The following YEATS2 variants were observed in gnomAD, a reference collection of about 807,000 sequenced individuals.
YEATS2 encodes YEATS domain-containing protein 2.
Under a neutral mutation model 163.2 loss-of-function variants are expected in YEATS2, and 77 were observed. The observed-to-expected ratio is 0.47, with a 90% confidence interval of 0.39 to 0.57. YEATS2 has a LOEUF of 0.57. YEATS2 is among the 20% of genes least tolerant of loss of function. The probability of loss-of-function intolerance (pLI) is 0.00; values close to 1 mark genes in which losing one functional copy is unlikely to be tolerated. For missense variants in YEATS2, 1,549 were observed against 1,729.8 expected (o/e 0.90, Z 1.85); for synonymous variants, 631 against 645.1 (o/e 0.98, Z 0.33).
At chr3:183,755,741 CTTTTTTTTTTTTTTTT>C (rs57050296) in intron 11 of YEATS2, among the ~76,000 whole-genome samples, 3 of 82,220 alleles carry the variant, frequency 3.6e-5, no homozygotes, top group African/African-American at 6.0e-5. Context: ...TCCTTCCTTT[CTTTTTTTTTTTTTTTT>C]TTTTTTTTTT....
intron 12 of YEATS2, 114 bp from the exon 13 acceptor site, chr3:183,758,748 C>A: frequency 1.3e-6 from 1 of 794,280 alleles, no homozygotes; most frequent in Non-Finnish European, 2.1e-6. Flanking sequence ...GAGTTTTCAA[C>A]CCTTAAACAT....
chr3:183,718,364 ATTTG>A, intron 3 of YEATS2, 132 bp from the exon 4 acceptor site: 1 of 644,202 alleles, frequency 1.6e-6, no homozygotes, highest in Middle Eastern at 4.3e-4. Flanking sequence ...GGTCACTTTT[ATTTG>A]TTTTTCTTTT....
intron 7 of YEATS2, among the ~76,000 whole-genome samples, chr3:183,732,055 A>G (rs542445849): frequency 6.6e-6 from 1 of 152,128 alleles, no homozygotes; most frequent in South Asian, 2.1e-4. Flanking sequence ...TTTTTTTAAT[A>G]GCAGGAAATG....
chr3:183,699,476 AC>A (rs755156056), intron 1 of YEATS2, among the ~76,000 whole-genome samples: 72 of 151,654 alleles, frequency 4.7e-4, no homozygotes, highest in Non-Finnish European at 8.8e-4. Context: ...ACTTTGAGAG[AC>A]CGAGGCGGGT....
chr3:183,741,226 A>G (rs111744161), intron 8 of YEATS2, among the ~76,000 whole-genome samples: 5 of 152,238 alleles, frequency 3.3e-5, no homozygotes, highest in African/African-American at 1.2e-4. Context: ...GGCATGAGCC[A>G]CTGTGCTTGG....
intron 13 of YEATS2, among the ~76,000 whole-genome samples, chr3:183,760,448 G>T (rs1197062794): frequency 2.0e-5 from 3 of 150,702 alleles, no homozygotes; most frequent in Admixed American, 6.7e-5. Flanking sequence ...TCAGTCTCCT[G>T]AGTAGCTGGG....
intron 5 of YEATS2, among the ~76,000 whole-genome samples, chr3:183,722,667 T>A (rs772613684): frequency 2.6e-5 from 4 of 151,852 alleles, no homozygotes; most frequent in Non-Finnish European, 5.9e-5. Flanking sequence ...TCTTTTTTTT[T>A]TCTGAGACGG....
At chr3:183,722,903 C>T (rs145708440) in intron 5 of YEATS2, among the ~76,000 whole-genome samples, 1,800 of 152,280 alleles carry the variant, frequency 0.012, 40 homozygotes, top group African/African-American at 0.041. Context: ...CTGCCTGCCT[C>T]GGCCTCTCAA....
At chr3:183,792,366 G>C (rs1476416783) in intron 21 of YEATS2, among the ~76,000 whole-genome samples, 1 of 152,024 alleles carries the variant, frequency 6.6e-6, no homozygotes, top group African/African-American at 2.4e-5. Flanking sequence ...TCATTGTTCA[G>C]TTCCCACTTA....
intron 15 of YEATS2, among the ~76,000 whole-genome samples, chr3:183,767,538 G>A (rs1276252258): frequency 1.3e-5 from 2 of 151,996 alleles, no homozygotes; most frequent in East Asian, 3.9e-4. Context: ...CCACCACCAT[G>A]CCTAGCTAAT....
At chr3:183,762,424 C>T in intron 15 of YEATS2, 145 bp downstream of exon 15, 13 of 1,033,692 alleles carry the variant, frequency 1.3e-5, no homozygotes, top group Non-Finnish European at 1.8e-5. Context: ...AAAAACAAGT[C>T]TGTTGGTGTG....
At chr3:183,777,823 C>G in intron 19 of YEATS2, 123 bp downstream of exon 19, 1 of 1,317,816 alleles carries the variant, frequency 7.6e-7, no homozygotes, top group South Asian at 1.6e-5. Flanking sequence ...AACAATAAGG[C>G]CAGGAGTGGT....
In YEATS2 at chr3:183,800,515, T is replaced by C. The variant is rs375303159; in HGVS notation, c.3375T>C (p.Gly1125=). 2 of 1,613,754 alleles carry C rather than the reference T, an allele frequency of 1.2e-6. No individual in the cohort carries two copies. The highest frequency in any genetic ancestry group is 1.7e-5 in the Admixed American group (1 of 59,948). Residue 1125 remains glycine, a synonymous_variant, in exon 24 of 31, where the codon GGT becomes GGC. Transcript: ENST00000305135. ...GACCGAGTTGCCTCTCTCAGGAGGG[T>C]CAGACAGCAGTGAAAACAGAAGAAA... The part of the protein sequence containing the change: ...TPGPSCLSQE[G]QTAVKTEESS...
chr3:183,727,628 A>G (rs1717253960), intron 6 of YEATS2, among the ~76,000 whole-genome samples: 1 of 152,230 alleles, frequency 6.6e-6, no homozygotes, highest in African/African-American at 2.4e-5. Context: ...AGCATATAGA[A>G]GGCCTGACTA....
At chr3:183,715,675 C>CA (rs1310302518) in intron 2 of YEATS2, among the ~76,000 whole-genome samples, 1 of 152,124 alleles carries the variant, frequency 6.6e-6, no homozygotes, top group African/African-American at 2.4e-5. Flanking sequence ...TCCATAGCTA[C>CA]AAGGATAAAG....
intron 2 of YEATS2, among the ~76,000 whole-genome samples, chr3:183,716,696 C>G (rs965070114): frequency 2.0e-5 from 3 of 152,066 alleles, no homozygotes; most frequent in Non-Finnish European, 4.4e-5. Context: ...GTTTTAATAA[C>G]ACTGAAACTC....
chr3:183,735,217 T>G (rs550715269), intron 7 of YEATS2, among the ~76,000 whole-genome samples: 1 of 152,358 alleles, frequency 6.6e-6, no homozygotes, highest in African/African-American at 2.4e-5. Flanking sequence ...ATATTGCAAA[T>G]GAATTTAGAC....
chr3:183,791,096 C>A, intron 21 of YEATS2, 116 bp downstream of exon 21: 3 of 1,357,674 alleles, frequency 2.2e-6, no homozygotes, highest in Non-Finnish European at 1.0e-6. Context: ...TGCAATATCA[C>A]AATCTCGACT....
intron 7 of YEATS2, among the ~76,000 whole-genome samples, chr3:183,730,343 G>A (rs1248281074): frequency 6.6e-6 from 1 of 152,090 alleles, no homozygotes; most frequent in Non-Finnish European, 1.5e-5. Context: ...GAGATTATAG[G>A]CATGAGCTAC....
Sources: allele counts gnomAD v4.1 joint callset (sites outside exome capture counted in the v4.1 genomes callset), GRCh38; gene constraint gnomAD v4.1.1; transcripts MANE v1.5; gene names NCBI Gene and HGNC (gene_info 2026-07-23, HGNC 2026-07-21).